The following PDS5B variants were observed in gnomAD, a reference collection of about 807,000 sequenced individuals.
PDS5B encodes PDS5 cohesin associated factor B, also known as sister chromatid cohesion protein PDS5 homolog B.
In PDS5B, 51 loss-of-function variants were observed where a neutral mutation model predicts 184.1. That is an observed-to-expected ratio of 0.28 (90% CI 0.22 to 0.35). The LOEUF (loss-of-function observed/expected upper bound fraction) is 0.35. PDS5B is among the 10% of genes least tolerant of loss of function. The pLI, the probability that PDS5B is intolerant of heterozygous loss-of-function variation, is 1.00. For missense variants in PDS5B, 1,180 were observed against 1,723.3 expected, an observed-to-expected ratio of 0.68 and a Z score of 5.58; for synonymous variants, 566 against 569.2, an observed-to-expected ratio of 0.99 and a Z score of 0.08.
At chr13:32,716,384 C>G (rs1952411998) in intron 19 of PDS5B, among the ~76,000 whole-genome samples, 1 of 151,440 alleles carries the variant, frequency 6.6e-6, no homozygotes, top group Non-Finnish European at 1.5e-5. Context: ...GTGTCTCTGC[C>G]CAGCCACCCC....
At chr13:32,675,627 G>A (rs1385404758) in intron 8 of PDS5B, among the ~76,000 whole-genome samples, 1 of 152,100 alleles carries the variant, frequency 6.6e-6, no homozygotes, top group Non-Finnish European at 1.5e-5. Context: ...TTTCATGAAA[G>A]GTACTTCTTT....
At chr13:32,716,791 GT>G (rs1447713668) in intron 19 of PDS5B, among the ~76,000 whole-genome samples, 5 of 120,504 alleles carry the variant, frequency 4.1e-5, no homozygotes, top group Non-Finnish European at 4.0e-5. Context: ...CGGGAGGGAG[GT>G]GGGGGGGTCA....
intron 20 of PDS5B, among the ~76,000 whole-genome samples, chr13:32,733,966 T>C (rs1461568959): frequency 7.7e-6 from 1 of 129,744 alleles, no homozygotes; most frequent in Non-Finnish European, 1.5e-5. Context: ...TTAGTCACCC[T>C]TCTGATTTCA....
chr13:32,624,004 G>A (rs1232441524), intron 1 of PDS5B, among the ~76,000 whole-genome samples: 1 of 151,622 alleles, frequency 6.6e-6, no homozygotes, highest in East Asian at 1.9e-4. Context: ...TAGAGATGGG[G>A]TTTCACCATG....
chr13:32,715,080 G>A (rs975492755), intron 19 of PDS5B, among the ~76,000 whole-genome samples: 3 of 152,168 alleles, frequency 2.0e-5, no homozygotes, highest in Admixed American at 1.3e-4. Flanking sequence ...GCTTCAGCTG[G>A]TCCCTCTGTT....
At chr13:32,720,643 T>A (rs1384634111) in intron 19 of PDS5B, among the ~76,000 whole-genome samples, 1 of 151,752 alleles carries the variant, frequency 6.6e-6, no homozygotes, top group Non-Finnish European at 1.5e-5. Context: ...TTATTTTTTT[T>A]TAAAATTTTT....
At chr13:32,749,640 C>T (rs1274882036) in intron 24 of PDS5B, among the ~76,000 whole-genome samples, 2 of 152,046 alleles carry the variant, frequency 1.3e-5, no homozygotes, top group Non-Finnish European at 2.9e-5. Flanking sequence ...AGCTAACAAT[C>T]TCTTAGGAGA....
At chr13:32,689,967 G>C (rs1339506937) in intron 13 of PDS5B, 2 of 151,948 alleles carry the variant, frequency 1.3e-5, no homozygotes, top group Non-Finnish European at 2.9e-5. Flanking sequence ...AAAATGAAAT[G>C]TCACTTTTAA....
intron 19 of PDS5B, among the ~76,000 whole-genome samples, chr13:32,719,413 G>A (rs1349812536): frequency 2.0e-5 from 3 of 152,084 alleles, no homozygotes; most frequent in Admixed American, 1.3e-4. Context: ...GATCTCCTGG[G>A]CTCAGGTGAT....
intron 19 of PDS5B, among the ~76,000 whole-genome samples, chr13:32,716,840 G>A (rs560375920): frequency 1.2e-5 from 1 of 83,292 alleles, no homozygotes; most frequent in Non-Finnish European, 3.3e-5. Context: ...TGGGAGGGAG[G>A]TTGGGGGGTC....
At chr13:32,721,543 A>T (rs1952700904) in intron 19 of PDS5B, among the ~76,000 whole-genome samples, 1 of 132,518 alleles carries the variant, frequency 7.5e-6, no homozygotes, top group Non-Finnish European at 1.6e-5. Context: ...GGCCGGGCAG[A>T]GGTGCTCCTC....
intron 24 of PDS5B, among the ~76,000 whole-genome samples, chr13:32,747,412 C>T (rs1346005805): frequency 6.6e-6 from 1 of 151,980 alleles, no homozygotes; most frequent in Non-Finnish European, 1.5e-5. Flanking sequence ...AAATTGTAAT[C>T]ATTTTTGTCA....
intron 23 of PDS5B, among the ~76,000 whole-genome samples, chr13:32,744,636 A>G (rs1410924673): frequency 6.6e-6 from 1 of 152,174 alleles, no homozygotes; most frequent in African/African-American, 2.4e-5. Context: ...AGCATCTGTT[A>G]TCCATATCTG....
chr13:32,752,476 T>C (rs1474780660), intron 24 of PDS5B, among the ~76,000 whole-genome samples: 2 of 152,164 alleles, frequency 1.3e-5, no homozygotes, highest in Non-Finnish European at 2.9e-5. Flanking sequence ...CTTAGAGAGA[T>C]AAAAACATAA....
intron 1 of PDS5B, among the ~76,000 whole-genome samples, chr13:32,594,974 A>G (rs2057836054): frequency 6.6e-6 from 1 of 152,136 alleles, no homozygotes; most frequent in African/African-American, 2.4e-5. Context: ...AATTAGCCTC[A>G]TATACGTGTC....
intron 1 of PDS5B, among the ~76,000 whole-genome samples, chr13:32,593,611 G>T (rs186185893): frequency 6.6e-6 from 1 of 152,316 alleles, no homozygotes; most frequent in African/African-American, 2.4e-5. Context: ...AAAGTGCTGG[G>T]ATTACAGGTG....
At chr13:32,701,214 T>C in intron 16 of PDS5B, 109 bp from the exon 17 acceptor site, 1 of 583,706 alleles carries the variant, frequency 1.7e-6, no homozygotes, top group South Asian at 2.2e-5. Context: ...ACAGTTTGTT[T>C]ATTCCAGCGT....
At chr13:32,719,500 A>T (rs541553031) in intron 19 of PDS5B, among the ~76,000 whole-genome samples, 69 of 151,684 alleles carry the variant, frequency 4.5e-4, no homozygotes, top group African/African-American at 1.6e-3. Context: ...TATTATTTTT[A>T]AAAAATTCAT....
intron 19 of PDS5B, among the ~76,000 whole-genome samples, chr13:32,731,898 C>T (rs1953135462): frequency 6.6e-6 from 1 of 152,120 alleles, no homozygotes; most frequent in Admixed American, 6.5e-5. Flanking sequence ...AAGTAAAAAA[C>T]ACCACATTTG....
Sources: allele counts gnomAD v4.1 joint callset (sites outside exome capture counted in the v4.1 genomes callset), GRCh38; gene constraint gnomAD v4.1.1; transcripts MANE v1.5; gene names NCBI Gene and HGNC (gene_info 2026-07-23, HGNC 2026-07-21).